The following CSMD1 variants were observed in gnomAD, a reference collection of about 807,000 sequenced individuals.
CSMD1 encodes the protein CUB and Sushi multiple domains 1.
In CSMD1, 213 loss-of-function variants were observed where a neutral mutation model predicts 417.5. That is an observed-to-expected ratio of 0.51 (90% CI 0.46 to 0.57). The LOEUF (loss-of-function observed/expected upper bound fraction) is 0.57, where lower values mean the gene tolerates loss of function less well. CSMD1 is among the 20% of genes least tolerant of loss of function. CSMD1 has a pLI of 0.00. For synonymous variants in CSMD1, 2,862 were observed against 1,736.8 expected (o/e 1.65, Z -16.11); for missense variants, 6,923 against 4,529.7 (o/e 1.53, Z -15.17).
At chr8:4,124,984 G>T (rs9314518) in intron 3 of CSMD1, among the ~76,000 whole-genome samples, 23,586 of 151,182 alleles carry the variant, frequency 0.16, 1,998 homozygotes, top group South Asian at 0.3. Context: ...TGTCGCTTTT[G>T]CTTTCCTTTC....
chr8:4,853,546 G>T (rs1438481553), intron 1 of CSMD1, among the ~76,000 whole-genome samples: 1 of 152,204 alleles, frequency 6.6e-6, no homozygotes, highest in Non-Finnish European at 1.5e-5. Flanking sequence ...AAGCCTGAGT[G>T]CTCAGGCAGA....
At chr8:3,955,025 A>G (rs1811845777) in intron 5 of CSMD1, among the ~76,000 whole-genome samples, 1 of 152,172 alleles carries the variant, frequency 6.6e-6, no homozygotes, top group South Asian at 2.1e-4. Flanking sequence ...TCTCCTTTGC[A>G]CTGCTAATTT....
chr8:4,206,928 C>A (rs368621626), intron 3 of CSMD1, among the ~76,000 whole-genome samples: 1 of 151,976 alleles, frequency 6.6e-6, no homozygotes, highest in Admixed American at 6.6e-5. Flanking sequence ...GGCAAATTGC[C>A]CTCCTCTTTG....
chr8:4,007,728 A>G (rs1023250217), intron 4 of CSMD1, among the ~76,000 whole-genome samples: 1 of 151,656 alleles, frequency 6.6e-6, no homozygotes, highest in Non-Finnish European at 1.5e-5. Context: ...TGGCTTTCCT[A>G]CAGTTATATC....
chr8:3,735,881 A>T (rs1796500074), intron 6 of CSMD1, among the ~76,000 whole-genome samples: 1 of 152,214 alleles, frequency 6.6e-6, no homozygotes, highest in South Asian at 2.1e-4. Context: ...TAAATATATG[A>T]CATAGAGTTA....
chr8:4,247,927 AC>A (rs1802812080), intron 3 of CSMD1, among the ~76,000 whole-genome samples: 1 of 152,190 alleles, frequency 6.6e-6, no homozygotes, highest in Non-Finnish European at 1.5e-5. Context: ...TGATGTAGGT[AC>A]ATTAATCAAA....
chr8:3,862,614 A>G (rs143002282), intron 5 of CSMD1, among the ~76,000 whole-genome samples: 16 of 152,320 alleles, frequency 1.1e-4, no homozygotes, highest in African/African-American at 2.9e-4. Context: ...TGGCCATACT[A>G]TATTTCTCTA....
intron 2 of CSMD1, among the ~76,000 whole-genome samples, chr8:4,627,167 T>A (rs184860675): frequency 6.6e-6 from 1 of 152,290 alleles, no homozygotes; most frequent in East Asian, 1.9e-4. Flanking sequence ...ACTCACTTGT[T>A]TATTCTGAAT....
intron 1 of CSMD1, among the ~76,000 whole-genome samples, chr8:4,916,281 A>T (rs1346150455): frequency 6.6e-6 from 1 of 152,252 alleles, no homozygotes; most frequent in African/African-American, 2.4e-5. Context: ...GGGTAATATC[A>T]CATCAAGAAC....
chr8:4,917,095 T>C (rs7841118), intron 1 of CSMD1, among the ~76,000 whole-genome samples: 39,756 of 152,086 alleles, frequency 0.26, 6,027 homozygotes, highest in East Asian at 0.55. Context: ...AGCACGGCTG[T>C]GGAGGCCTCA....
At position 4,463,758 on chromosome 8, in the gene CSMD1, A is replaced by T. The variant is rs534959532; in HGVS notation, c.303-43693T>A. ...TTGGGCCGTGGGGCTGAGGGAAAAT[A>T]GTGAGTGGGTACTAATGGATACTGG... On this transcript the variant is annotated intron_variant, in intron 2 of 69. Coordinates refer to ENST00000635120, the MANE Select transcript of CSMD1 (RefSeq NM_033225.6). Among the ~76,000 whole-genome samples the T allele has an allele frequency of 9.8e-5, 15 of 152,316 alleles. No individual in the cohort carries two copies. In the South Asian group the frequency reaches 1.9e-3, roughly 19 times the overall value.
At chr8:4,576,746 T>C (rs191019681) in intron 2 of CSMD1, among the ~76,000 whole-genome samples, 259 of 152,310 alleles carry the variant, frequency 1.7e-3, no homozygotes, top group African/African-American at 5.7e-3. Flanking sequence ...CAGAAATATA[T>C]GTTAATATCA....
intron 4 of CSMD1, among the ~76,000 whole-genome samples, chr8:4,008,022 T>C (rs1473607762): frequency 3.3e-5 from 5 of 152,228 alleles, no homozygotes; most frequent in South Asian, 2.1e-4. Flanking sequence ...GGTTTATTTG[T>C]GTGTTTTTGC....
At chr8:4,058,535 C>G in intron 3 of CSMD1, among the ~76,000 whole-genome samples, 1 of 151,930 alleles carries the variant, frequency 6.6e-6, no homozygotes, top group East Asian at 1.9e-4. Flanking sequence ...TTTCCTTCTC[C>G]TGCCTAATTG....
At chr8:3,738,401 G>A (rs1377934262) in intron 6 of CSMD1, among the ~76,000 whole-genome samples, 1 of 152,208 alleles carries the variant, frequency 6.6e-6, no homozygotes, top group Non-Finnish European at 1.5e-5. Context: ...CATAAAATAT[G>A]CATGGTGGTT....
chr8:3,408,319 A>T, intron 13 of CSMD1, 94 bp from the exon 14 acceptor site: 1 of 841,260 alleles, frequency 1.2e-6, no homozygotes. Context: ...AAGGCAATTC[A>T]TGCCTGCAAA....
chr8:3,732,687 G>T (rs531119348), intron 6 of CSMD1, among the ~76,000 whole-genome samples: 1 of 151,772 alleles, frequency 6.6e-6, no homozygotes, highest in African/African-American at 2.4e-5. Flanking sequence ...TTTTAAGACA[G>T]AAAAAAAGAA....
At chr8:3,352,447 A>G (rs927481611) in intron 21 of CSMD1, among the ~76,000 whole-genome samples, 3 of 152,224 alleles carry the variant, frequency 2.0e-5, no homozygotes, top group Non-Finnish European at 2.9e-5. Context: ...AATCACAGGA[A>G]AAATAAGTTG....
At chr8:4,802,823 T>C (rs1048166088) in intron 1 of CSMD1, among the ~76,000 whole-genome samples, 18 of 152,188 alleles carry the variant, frequency 1.2e-4, no homozygotes, top group Non-Finnish European at 2.5e-4. Context: ...CAGACTCCAA[T>C]AATACTTAGT....
Sources: allele counts gnomAD v4.1 joint callset (sites outside exome capture counted in the v4.1 genomes callset), GRCh38; gene constraint gnomAD v4.1.1; transcripts MANE v1.5; gene names NCBI Gene and HGNC (gene_info 2026-07-23, HGNC 2026-07-21).